Variants in NFASC observed in about 807,000 individuals in gnomAD.
NFASC encodes neurofascin.
NFASC carries 43 observed loss-of-function variants against 147.5 expected under a neutral mutation model. The ratio of observed to expected loss-of-function variants is 0.29; its 90% CI spans 0.23 to 0.38. The LOEUF is 0.38. Among genes scored for constraint, NFASC ranks in the 10% least tolerant of loss-of-function variants. NFASC has a pLI of 1.00. For missense variants in NFASC, 1,320 were observed against 1,689.0 expected, an observed-to-expected ratio of 0.78 and a Z score of 3.83; for synonymous variants, 622 against 665.5, an observed-to-expected ratio of 0.93 and a Z score of 1.01.
chr1:204,844,772 G>A (rs57128821), intron 1 of NFASC, among the ~76,000 whole-genome samples: 33,007 of 152,016 alleles, frequency 0.22, 5,428 homozygotes, highest in East Asian at 0.53. Flanking sequence ...AGCTGGCTGA[G>A]TTAGGTCAGA....
intron 2 of NFASC, among the ~76,000 whole-genome samples, chr1:204,932,974 G>A (rs748143042): frequency 6.6e-6 from 1 of 152,178 alleles, no homozygotes; most frequent in African/African-American, 2.4e-5. Context: ...GTAAGGTATG[G>A]AGGCACAGAT....
At chr1:204,927,243 C>T (rs2091796026) in intron 2 of NFASC, among the ~76,000 whole-genome samples, 1 of 152,170 alleles carries the variant, frequency 6.6e-6, no homozygotes, top group Non-Finnish European at 1.5e-5. Flanking sequence ...TCTTCCCCAC[C>T]TCCACCCCCA....
At chr1:204,938,545 G>A (rs567024643) in intron 2 of NFASC, among the ~76,000 whole-genome samples, 8 of 152,120 alleles carry the variant, frequency 5.3e-5, no homozygotes, top group South Asian at 2.1e-4. Context: ...CCCTGCCGCC[G>A]GCTCCCATAC....
At chr1:205,009,263 C>T (rs1333794372) in intron 27 of NFASC, 8 of 484,654 alleles carry the variant, frequency 1.7e-5, no homozygotes, top group Admixed American at 1.1e-4. Flanking sequence ...CCAAGAATGC[C>T]GTGCTTCATC....
intron 27 of NFASC, among the ~76,000 whole-genome samples, chr1:205,003,691 G>T (rs765942999): frequency 1.3e-5 from 2 of 152,264 alleles, no homozygotes; most frequent in South Asian, 2.1e-4. Context: ...ACAGCATAGC[G>T]GAGGGGAAAA....
Position 204,987,017 on chromosome 1 carries a change from C to T in NFASC, c.2471-401C>T, listed in dbSNP as rs1201469960. 1.1e-5 allele frequency: 2 copies of T among 189,470 alleles called. No individual in the cohort carries two copies. Among genetic ancestry groups the T allele is most frequent in the African/African-American group, 2.4e-5 (1 of 42,312 alleles). The allele number at this position is 189,470 out of a possible 1,614,324, so 11.7% of individuals were successfully genotyped here. A position where few individuals can be genotyped will look rare whatever the true frequency, so the allele number is the denominator to read the frequency against. On this transcript the variant is annotated intron_variant, in intron 21 of 29. Coordinates refer to ENST00000339876, the MANE Select transcript of NFASC (RefSeq NM_001005388.3). This position sits in a 1 kb window ranked among gnomAD's most constrained non-coding sequence, Gnocchi z 4.4. ...GCTGCCTGGACCCAGTGATGAGAATCCTTATCTGAGGATAGGGAACTGCAG... is the reference window on the plus strand; with the variant it reads ...GCTGCCTGGACCCAGTGATGAGAATTCTTATCTGAGGATAGGGAACTGCAG...
At chr1:204,991,155 C>T (rs1014840069) in intron 23 of NFASC, 137 bp from the exon 24 acceptor site, 18 of 985,440 alleles carry the variant, frequency 1.8e-5, no homozygotes, top group Non-Finnish European at 2.5e-5. Flanking sequence ...CAGCACCTGG[C>T]CACGCCGTCT....
At position 204,948,580 on chromosome 1, in the gene NFASC, A is replaced by C. The variant is rs201899588; in HGVS notation, c.92-1977A>C. Reference sequence around the variant, plus strand: ...CTCTCTGGCCAAGGATGGATTTGTTAAAAACAAAACAAAACAAAACAAAAA... The same window carrying C: ...CTCTCTGGCCAAGGATGGATTTGTTCAAAACAAAACAAAACAAAACAAAAA... On this transcript the variant is annotated intron_variant, in intron 3 of 29. Transcript: ENST00000339876. 4.0e-5 allele frequency: 21 copies of C among 518,606 alleles called. No homozygotes were observed. In the East Asian group the frequency reaches 9.3e-4, roughly 23 times the overall value. 32.1% of individuals were successfully genotyped at this position (518,606 alleles called of 1,614,324 possible).
In NFASC at chr1:204,951,991, C is replaced by T. The variant is rs1356369058; in HGVS notation, c.110-20C>T. On this transcript the variant is annotated intron_variant, in intron 4 of 29. Transcript: ENST00000339876. ...GGAGGTCCCTGCAGCCCTGACCATG[C>T]TCCCTGTGCACTGTTGCAGTGACGC... The T allele has an allele frequency of 1.2e-6, 2 of 1,608,522 alleles. No homozygotes were observed. Among genetic ancestry groups the T allele is most frequent in the Non-Finnish European group, 8.5e-7 (1 of 1,175,160 alleles).
Position 204,987,195 on chromosome 1 carries a change from G to T in NFASC, c.2471-223G>T. The T allele has an allele frequency of 1.8e-6, 1 of 561,810 alleles. No individual in the cohort carries two copies. 34.8% of individuals were successfully genotyped at this position (561,810 alleles called of 1,614,324 possible). ...TTACTTCTTCCTCTCTTAAATAGCA[G>T]AGTCTGAGCTATGTTTGTCCTCAGA... On this transcript the variant is annotated intron_variant, in intron 21 of 29. Transcript: ENST00000339876. The surrounding 1 kb of genome is among the most constrained non-coding windows in gnomAD (Gnocchi z 4.4).
At chr1:204,917,929 C>T (rs1381213897) in intron 1 of NFASC, among the ~76,000 whole-genome samples, 2 of 152,076 alleles carry the variant, frequency 1.3e-5, no homozygotes, top group African/African-American at 4.8e-5. Flanking sequence ...TGTTTCTAGG[C>T]CTTACAGTGA....
intron 1 of NFASC, among the ~76,000 whole-genome samples, 198 bp from the exon 2 acceptor site, chr1:204,920,434 T>C (rs1382411957): frequency 7.0e-6 from 1 of 143,356 alleles, no homozygotes; most frequent in Non-Finnish European, 1.5e-5. Flanking sequence ...GTCCTTTTTT[T>C]TTTTTTTTTT....
chr1:204,837,092 G>A (rs1488337681), intron 1 of NFASC, among the ~76,000 whole-genome samples: 1 of 152,222 alleles, frequency 6.6e-6, no homozygotes, highest in African/African-American at 2.4e-5. Context: ...GCTGGCAAAA[G>A]CTAGTTCTGG....
At chr1:205,006,991 C>G (rs945984556) in intron 27 of NFASC, among the ~76,000 whole-genome samples, 1 of 151,978 alleles carries the variant, frequency 6.6e-6, no homozygotes, top group Admixed American at 6.6e-5. Context: ...GAGGCCCACT[C>G]AGTGGTAACA....
intron 5 of NFASC, among the ~76,000 whole-genome samples, chr1:204,953,594 C>G (rs1040016533): frequency 2.0e-5 from 3 of 152,234 alleles, no homozygotes; most frequent in Non-Finnish European, 4.4e-5. Context: ...CCGCGCCCGG[C>G]CAAAAGCTGC....
chr1:204,940,185 G>T (rs2093259645), intron 2 of NFASC, among the ~76,000 whole-genome samples: 2 of 152,202 alleles, frequency 1.3e-5, no homozygotes, highest in Admixed American at 1.3e-4. Flanking sequence ...GGGCGCGATG[G>T]CTCACACCTA....
chr1:204,924,283 C>T (rs191873073), intron 2 of NFASC, among the ~76,000 whole-genome samples: 2 of 152,180 alleles, frequency 1.3e-5, no homozygotes, highest in Non-Finnish European at 2.9e-5. Context: ...GATGTAAATG[C>T]AGAAGGCTGC....
chr1:205,011,627 CT>C, intron 28 of NFASC, among the ~76,000 whole-genome samples: 1 of 152,216 alleles, frequency 6.6e-6, no homozygotes, highest in African/African-American at 2.4e-5. Context: ...CCCCTGGTCC[CT>C]TAAAAAGATG....
At chr1:204,852,272 G>A (rs2075765224) in intron 1 of NFASC, among the ~76,000 whole-genome samples, 1 of 152,316 alleles carries the variant, frequency 6.6e-6, no homozygotes. Flanking sequence ...GCTGAGATGG[G>A]TGGATCATCT....
Sources: allele counts gnomAD v4.1 joint callset (sites outside exome capture counted in the v4.1 genomes callset), GRCh38; gene constraint gnomAD v4.1.1; non-coding constraint Gnocchi (gnomAD v3.1); transcripts MANE v1.5; gene names NCBI Gene and HGNC (gene_info 2026-07-23, HGNC 2026-07-21).